EMB: variants seen among roughly 807,000 people sequenced by gnomAD.
EMB encodes embigin.
A neutral mutation model predicts 41.4 loss-of-function variants in EMB; 31 were observed. The observed-to-expected ratio is 0.75, with a 90% CI of 0.56 to 1.01. EMB has a LOEUF of 1.01. Ranked by LOEUF, EMB falls within the 50% of genes least tolerant of loss-of-function variation. The probability of loss-of-function intolerance (pLI) is 0.00; values close to 1 mark genes in which losing one functional copy is unlikely to be tolerated. For synonymous variants in EMB, 137 were observed against 140.4 expected, an observed-to-expected ratio of 0.98 and a Z score of 0.17; for missense variants, 379 against 388.3, an observed-to-expected ratio of 0.98 and a Z score of 0.20.
rs1452226555 is a variant in EMB, at chr5:50,396,651, T to A, written c.*2622A>T. 4 of 152,106 alleles carry A rather than the reference T, an allele frequency of 2.6e-5. No individual in the cohort carries two copies. The highest frequency in any genetic ancestry group is 9.7e-5 in the African/African-American group (4 of 41,438). The allele number at this position is 152,106 out of a possible 1,614,324, so 9.4% of individuals were successfully genotyped here. A position where few individuals can be genotyped will look rare whatever the true frequency, so the allele number is the denominator to read the frequency against. On this transcript the variant is annotated 3_prime_UTR_variant, in exon 9 of 9. Transcript: ENST00000303221. ...GGATAGAGATTAGCAATTTGGAGAA[T>A]GCAATATTAAGAAATGGCAAAGGTG...
chr5:50,419,536 T>TACACACACACACACACACACACAC (rs371940991), intron 2 of EMB, among the ~76,000 whole-genome samples: 1 of 142,736 alleles, frequency 7.0e-6, no homozygotes, highest in Non-Finnish European at 1.5e-5. Flanking sequence ...CCCCACTACA[T>TACACACACACACACACACACACAC]ACACACACAC....
At chr5:50,410,336 A>G (rs1745313643) in intron 4 of EMB, among the ~76,000 whole-genome samples, 1 of 152,058 alleles carries the variant, frequency 6.6e-6, no homozygotes, top group Non-Finnish European at 1.5e-5. Context: ...AAATATTTTA[A>G]TTCGTTTGTT....
intron 2 of EMB, among the ~76,000 whole-genome samples, chr5:50,413,210 TA>T (rs1213464093): frequency 6.6e-6 from 1 of 152,144 alleles, no homozygotes; most frequent in African/African-American, 2.4e-5. Flanking sequence ...GTAGAGAAAA[TA>T]AACGTTCTCT....
At chr5:50,406,427 T>A (rs893039548) in intron 4 of EMB, among the ~76,000 whole-genome samples, 1 of 151,814 alleles carries the variant, frequency 6.6e-6, no homozygotes, top group African/African-American at 2.4e-5. Flanking sequence ...TATATATATA[T>A]ACACTAATAT....
chr5:50,419,624 G>A (rs1363137212), intron 2 of EMB, among the ~76,000 whole-genome samples: 2 of 151,814 alleles, frequency 1.3e-5, no homozygotes, highest in African/African-American at 4.8e-5. Context: ...GAAGACTGGA[G>A]AGGGTGTGGA....
chr5:50,405,093 AGAAAG>A (rs1486450657), intron 5 of EMB, among the ~76,000 whole-genome samples: 1 of 151,938 alleles, frequency 6.6e-6, no homozygotes, highest in Non-Finnish European at 1.5e-5. Flanking sequence ...TTTGGGGAGA[AGAAAG>A]GAAACCAGAA....
At chr5:50,429,506 C>T (rs1465106379) in intron 1 of EMB, among the ~76,000 whole-genome samples, 4 of 152,068 alleles carry the variant, frequency 2.6e-5, no homozygotes, top group South Asian at 4.1e-4. Context: ...TTTACAATAT[C>T]GCCTAGTAAA....
intron 1 of EMB, among the ~76,000 whole-genome samples, chr5:50,430,891 C>T (rs1473263511): frequency 6.6e-6 from 1 of 151,932 alleles, no homozygotes; most frequent in Non-Finnish European, 1.5e-5. Flanking sequence ...TGTGTTAGAA[C>T]AAGGAGAGAA....
At chr5:50,430,163 A>G in intron 1 of EMB, among the ~76,000 whole-genome samples, 1 of 152,208 alleles carries the variant, frequency 6.6e-6, no homozygotes, top group East Asian at 1.9e-4. Flanking sequence ...AGATCAAGGC[A>G]GATGCTATTC....
chr5:50,415,033 C>T (rs917968637), intron 2 of EMB, among the ~76,000 whole-genome samples: 7 of 151,946 alleles, frequency 4.6e-5, no homozygotes, highest in Admixed American at 6.6e-5. Flanking sequence ...CAGGTGTCTA[C>T]GGAGCATCTA....
rs943657303 is a variant in EMB, at chr5:50,426,423, T to G, written c.196+1721A>C. Among the ~76,000 whole-genome samples, 16 of 152,172 alleles carry G rather than the reference T, an allele frequency of 1.1e-4. 1 individual carries two copies. Among genetic ancestry groups the G allele is most frequent in the African/African-American group, 3.9e-4 (16 of 41,444 alleles). On this transcript the variant is annotated intron_variant, in intron 2 of 8. Transcript: ENST00000303221. ...TTAGCAATATTTTAAAAATATTAAA[T>G]AAGTAAGCTTTTATGAATCAAAAGC...
upstream of EMB, chr5:50,442,970 C>T (rs1745938508): frequency 6.6e-6 from 1 of 152,136 alleles, no homozygotes; most frequent in Non-Finnish European, 1.5e-5. Context: ...ATGCTGATCC[C>T]CACTGTTGCT....
chr5:50,435,124 T>C (rs771905970), intron 1 of EMB, among the ~76,000 whole-genome samples: 12 of 152,206 alleles, frequency 7.9e-5, no homozygotes, highest in Non-Finnish European at 1.5e-4. Context: ...TCAGGTAAAC[T>C]AATTATTTTT....
intron 1 of EMB, among the ~76,000 whole-genome samples, chr5:50,439,506 T>A (rs1224524022): frequency 3.6e-4 from 48 of 133,878 alleles, no homozygotes; most frequent in East Asian, 1.9e-3. Context: ...TTTTTTTTTT[T>A]AATAAAGAAG....
Position 50,397,973 on chromosome 5 carries a change from G to C in EMB, c.*1300C>G, listed in dbSNP as rs1561128651. On this transcript the variant is annotated 3_prime_UTR_variant, in exon 9 of 9. Transcript: ENST00000303221. ...CCAAAATTTTATTATATTTTTCTTA[G>C]CCAATACATGGAGCAAATTTTTATA... The C allele has an allele frequency of 1.3e-5, 2 of 151,812 alleles. No homozygotes were observed. Among genetic ancestry groups the C allele is most frequent in the African/African-American group, 4.8e-5 (2 of 41,344 alleles). 9.4% of individuals were successfully genotyped at this position (151,812 alleles called of 1,614,324 possible).
chr5:50,403,664 G>T (rs991991092), intron 5 of EMB, among the ~76,000 whole-genome samples: 6 of 151,864 alleles, frequency 4.0e-5, no homozygotes, highest in Non-Finnish European at 7.4e-5. Flanking sequence ...TATATACATT[G>T]CTATAAGGAT....
At chr5:50,441,460 C>T, upstream of EMB, 1 of 230,448 alleles carries the variant, frequency 4.3e-6, no homozygotes, top group Non-Finnish European at 8.4e-6. Context: ...TCGGCTCTAG[C>T]AGGTCGGGAG....
chr5:50,422,551 C>T (rs532833255), intron 2 of EMB, among the ~76,000 whole-genome samples: 189 of 152,288 alleles, frequency 1.2e-3, no homozygotes, highest in African/African-American at 4.4e-3. Flanking sequence ...AGTTGAGACG[C>T]TGGCTAACAG....
chr5:50,428,269 G>A, intron 1 of EMB, 42 bp from the exon 2 acceptor site: 2 of 1,455,510 alleles, frequency 1.4e-6, no homozygotes, highest in Non-Finnish European at 1.9e-6. Flanking sequence ...CTTATCAAGA[G>A]TAAATGACTA....
Sources: allele counts gnomAD v4.1 joint callset (sites outside exome capture counted in the v4.1 genomes callset), GRCh38; gene constraint gnomAD v4.1.1; transcripts MANE v1.5; gene names NCBI Gene and HGNC (gene_info 2026-07-23, HGNC 2026-07-21).